The following OPCML variants were observed in gnomAD, a reference collection of about 807,000 sequenced individuals.
The protein encoded by OPCML is opioid-binding protein/cell adhesion molecule.
Under a neutral mutation model 37.8 loss-of-function variants are expected in OPCML, and 13 were observed. The observed-to-expected ratio is 0.34, with a 90% CI of 0.22 to 0.55. The LOEUF is 0.55. Among genes scored for constraint, OPCML ranks in the 20% least tolerant of loss-of-function variants. The probability of loss-of-function intolerance (pLI) is 0.91; values close to 1 mark genes in which losing one functional copy is unlikely to be tolerated. For missense variants in OPCML, 341 were observed against 435.6 expected (o/e 0.78, Z 1.93); for synonymous variants, 176 against 168.8 (o/e 1.04, Z -0.33).
chr11:133,230,602 G>T (rs747842644), intron 1 of OPCML, among the ~76,000 whole-genome samples: 3 of 152,078 alleles, frequency 2.0e-5, no homozygotes, highest in Non-Finnish European at 2.9e-5. Context: ...CTGGCACTTC[G>T]CATTCCTAGA....
At chr11:132,461,172 C>T (rs2136910152) in intron 4 of OPCML, among the ~76,000 whole-genome samples, 1 of 152,230 alleles carries the variant, frequency 6.6e-6, no homozygotes, top group East Asian at 1.9e-4. Flanking sequence ...CCCTTAGAAT[C>T]TCTGCAGCTG....
intron 2 of OPCML, among the ~76,000 whole-genome samples, chr11:132,766,248 T>C (rs1408647053): frequency 6.6e-6 from 1 of 152,168 alleles, no homozygotes; most frequent in Non-Finnish European, 1.5e-5. Flanking sequence ...CAGGTGAGAA[T>C]TATCAAAGGC....
chr11:133,015,866 C>T (rs888262643), intron 1 of OPCML, among the ~76,000 whole-genome samples: 8 of 152,262 alleles, frequency 5.3e-5, no homozygotes, highest in African/African-American at 1.9e-4. Context: ...CCATCCCTAA[C>T]AAATCCTATG....
chr11:132,913,021 C>T (rs1173218114), intron 2 of OPCML, among the ~76,000 whole-genome samples: 1 of 152,178 alleles, frequency 6.6e-6, no homozygotes, highest in African/African-American at 2.4e-5. Context: ...TTGGAGTTGC[C>T]TGGAGAGACA....
At chr11:132,892,097 TCTC>T (rs749440211) in intron 2 of OPCML, among the ~76,000 whole-genome samples, 4 of 152,186 alleles carry the variant, frequency 2.6e-5, no homozygotes, top group South Asian at 2.1e-4. Flanking sequence ...CTTAAGGACT[TCTC>T]CTCCATCGCT....
At chr11:132,807,855 A>G (rs1939104957) in intron 2 of OPCML, among the ~76,000 whole-genome samples, 1 of 152,232 alleles carries the variant, frequency 6.6e-6, no homozygotes, top group South Asian at 2.1e-4. Flanking sequence ...GATTAATACC[A>G]CTCTCAAGCA....
At chr11:132,592,223 G>C (rs1393155751) in intron 3 of OPCML, among the ~76,000 whole-genome samples, 1 of 152,246 alleles carries the variant, frequency 6.6e-6, no homozygotes, top group Non-Finnish European at 1.5e-5. Flanking sequence ...GCTTTTCAAA[G>C]TGTGCATGTT....
At chr11:132,614,471 T>C (rs1412207416) in intron 3 of OPCML, among the ~76,000 whole-genome samples, 1 of 152,142 alleles carries the variant, frequency 6.6e-6, no homozygotes, top group African/African-American at 2.4e-5. Flanking sequence ...TCCTCTTCCG[T>C]CCCTCTGCGG....
At chr11:133,291,535 G>A (rs1942474624) in intron 1 of OPCML, among the ~76,000 whole-genome samples, 1 of 152,206 alleles carries the variant, frequency 6.6e-6, no homozygotes, top group Admixed American at 6.5e-5. Flanking sequence ...TCCTAGAAAG[G>A]CAGCTGACAT....
intron 1 of OPCML, among the ~76,000 whole-genome samples, chr11:133,271,059 A>T (rs1282189746): frequency 2.0e-5 from 3 of 152,234 alleles, no homozygotes; most frequent in Admixed American, 1.3e-4. Context: ...GATCTAACAC[A>T]GTAAGACATC....
intron 5 of OPCML, 26 bp from the exon 6 acceptor site, chr11:132,436,805 G>A (rs1490554225): frequency 1.9e-6 from 3 of 1,603,974 alleles, no homozygotes; most frequent in African/African-American, 2.7e-5. Context: ...ACACACACAT[G>A]CACAGGCATG....
chr11:132,484,119 A>G (rs2096191095), intron 4 of OPCML, among the ~76,000 whole-genome samples: 1 of 152,072 alleles, frequency 6.6e-6, no homozygotes, highest in Non-Finnish European at 1.5e-5. Flanking sequence ...CTACCTTCAG[A>G]GTGAACAGGC....
intron 1 of OPCML, among the ~76,000 whole-genome samples, chr11:133,074,803 C>T (rs948709718): frequency 2.0e-5 from 3 of 152,172 alleles, no homozygotes; most frequent in Admixed American, 6.5e-5. Flanking sequence ...GTTACACAGA[C>T]GGCTAAGCTT....
chr11:133,019,562 T>C (rs1044574488), intron 1 of OPCML, among the ~76,000 whole-genome samples: 7 of 152,220 alleles, frequency 4.6e-5, no homozygotes, highest in Admixed American at 3.9e-4. Context: ...TCATTGGGTT[T>C]GGGGAAGAAG....
At chr11:133,293,894 TCA>T (rs199717267) in intron 1 of OPCML, among the ~76,000 whole-genome samples, 5 of 4,500 alleles carry the variant, frequency 1.1e-3, no homozygotes, top group Non-Finnish European at 1.7e-3. Flanking sequence ...AAAAAAGACT[TCA>T]CACACACACA....
At chr11:133,098,829 G>A (rs894587374) in intron 1 of OPCML, among the ~76,000 whole-genome samples, 1 of 151,892 alleles carries the variant, frequency 6.6e-6, no homozygotes, top group Non-Finnish European at 1.5e-5. Flanking sequence ...AACATAATAA[G>A]AAAATAAAAG....
chr11:133,356,656 T>TATAAATTAGCCTTCAGCC (rs1191117259), intron 1 of OPCML, among the ~76,000 whole-genome samples: 1 of 152,180 alleles, frequency 6.6e-6, no homozygotes, highest in Non-Finnish European at 1.5e-5. Flanking sequence ...AGCAATCACC[T>TATAAATTAGCCTTCAGCC]ATAAATTAGC....
chr11:132,727,672 T>C (rs1357999016), intron 2 of OPCML, among the ~76,000 whole-genome samples: 1 of 152,198 alleles, frequency 6.6e-6, no homozygotes, highest in East Asian at 1.9e-4. Flanking sequence ...GGGTAGGTCC[T>C]AGGCATTGGG....
chr11:133,224,453 A>G (rs1313083942), intron 1 of OPCML, among the ~76,000 whole-genome samples: 1 of 152,126 alleles, frequency 6.6e-6, no homozygotes, highest in East Asian at 1.9e-4. Flanking sequence ...ACTCTTAACA[A>G]GTTATCCACA....
Sources: gnomAD v4.1 joint callset for allele counts (sites outside exome capture counted in the v4.1 genomes callset) on GRCh38, gnomAD v4.1.1 for gene constraint, MANE v1.5 for transcripts, NCBI Gene and HGNC (gene_info 2026-07-23, HGNC 2026-07-21) for gene names.